TACR3: variants seen among roughly 807,000 people sequenced by gnomAD.
TACR3 encodes the protein tachykinin receptor 3, also known as neuromedin-K receptor.
TACR3 carries 34 observed loss-of-function variants against 35.0 expected under a neutral mutation model. That is an observed-to-expected ratio of 0.97 (90% CI 0.74 to 1.30). The LOEUF is 1.30. Among genes scored for constraint, TACR3 ranks in the 50% most tolerant of loss-of-function variants. TACR3 has a pLI of 0.00. For synonymous variants in TACR3, 233 were observed against 221.1 expected (o/e 1.05, Z -0.48); for missense variants, 558 against 591.7 (o/e 0.94, Z 0.59).
At chr4:103,631,677 T>C (rs147207802) in intron 3 of TACR3, among the ~76,000 whole-genome samples, 5 of 152,270 alleles carry the variant, frequency 3.3e-5, no homozygotes, top group East Asian at 1.9e-4. Flanking sequence ...AAGTCCACAA[T>C]TGGCTCTCCC....
At chr4:103,713,037 C>A (rs967786092) in intron 1 of TACR3, among the ~76,000 whole-genome samples, 4 of 152,104 alleles carry the variant, frequency 2.6e-5, no homozygotes, top group African/African-American at 4.8e-5. Context: ...GAACTGTAAA[C>A]TAGTTCAACC....
At chr4:103,714,107 TTTTG>T (rs1210438334) in intron 1 of TACR3, among the ~76,000 whole-genome samples, 3 of 152,134 alleles carry the variant, frequency 2.0e-5, no homozygotes, top group Non-Finnish European at 2.9e-5. Flanking sequence ...TTTTTTTGGA[TTTTG>T]TTTATGTCTT....
At chr4:103,607,290 A>C (rs1380323600) in intron 3 of TACR3, among the ~76,000 whole-genome samples, 4 of 152,060 alleles carry the variant, frequency 2.6e-5, no homozygotes, top group Non-Finnish European at 4.4e-5. Context: ...AGAAATTAGC[A>C]TAGTTTTTGA....
At chr4:103,633,185 A>G (rs1725105797) in intron 3 of TACR3, among the ~76,000 whole-genome samples, 1 of 152,016 alleles carries the variant, frequency 6.6e-6, no homozygotes, top group Admixed American at 6.6e-5. Context: ...AGCTAACTAT[A>G]ATAATACCTT....
intron 3 of TACR3, among the ~76,000 whole-genome samples, chr4:103,595,895 C>T (rs1399310959): frequency 1.9e-5 from 2 of 107,242 alleles, no homozygotes; most frequent in Admixed American, 1.1e-4. Context: ...TGCTATCCCT[C>T]CCCCCTCCCC....
At chr4:103,669,570 T>C (rs1444477125) in intron 1 of TACR3, among the ~76,000 whole-genome samples, 1 of 152,184 alleles carries the variant, frequency 6.6e-6, no homozygotes, top group Non-Finnish European at 1.5e-5. Context: ...ATTGTGGCTT[T>C]AATTTACATT....
intron 1 of TACR3, among the ~76,000 whole-genome samples, chr4:103,697,977 G>A (rs992280852): frequency 2.0e-5 from 3 of 152,094 alleles, no homozygotes; most frequent in Non-Finnish European, 2.9e-5. Context: ...AACTTCTTAT[G>A]TAGGAAAGAT....
At chr4:103,644,916 A>G (rs1725428518) in intron 3 of TACR3, among the ~76,000 whole-genome samples, 1 of 151,884 alleles carries the variant, frequency 6.6e-6, no homozygotes, top group Non-Finnish European at 1.5e-5. Context: ...AGAGAGGGAC[A>G]CAAAAATAGG....
In TACR3 at chr4:103,607,897, G is replaced by A. The variant is rs554002344; in HGVS notation, c.889-16214C>T. ...TACAGGGTTTTCCTCTCCTTTAGGAGGGATTGCCAGTCCTGTAGAATGTTG... is the reference window on the plus strand; with the variant it reads ...TACAGGGTTTTCCTCTCCTTTAGGAAGGATTGCCAGTCCTGTAGAATGTTG... On this transcript the variant is annotated intron_variant, in intron 3 of 4. Coordinates refer to ENST00000304883, the MANE Select transcript of TACR3 (RefSeq NM_001059.3). Among the ~76,000 whole-genome samples, 31 of 152,252 alleles carry A rather than the reference G, an allele frequency of 2.0e-4. No individual in the cohort carries two copies. The Middle Eastern group carries it at 0.014, about 67-fold the overall frequency.
chr4:103,590,450 A>T (rs1375948610), intron 4 of TACR3, among the ~76,000 whole-genome samples: 1 of 152,204 alleles, frequency 6.6e-6, no homozygotes, highest in Non-Finnish European at 1.5e-5. Flanking sequence ...TAATGTTAGA[A>T]TTGCTAATCT....
At chr4:103,602,876 T>C (rs960575153) in intron 3 of TACR3, among the ~76,000 whole-genome samples, 1 of 152,206 alleles carries the variant, frequency 6.6e-6, no homozygotes, top group Admixed American at 6.5e-5. Flanking sequence ...TTCTCAGATC[T>C]CAAGCTGCAT....
intron 3 of TACR3, among the ~76,000 whole-genome samples, chr4:103,615,392 T>C (rs1461612221): frequency 4.1e-5 from 4 of 98,410 alleles, no homozygotes; most frequent in Non-Finnish European, 8.8e-5. Context: ...TGTGTGTGTG[T>C]GTGTGTGAGA....
intron 3 of TACR3, among the ~76,000 whole-genome samples, chr4:103,607,392 A>G (rs1724404031): frequency 1.3e-5 from 2 of 152,070 alleles, no homozygotes; most frequent in South Asian, 2.1e-4. Flanking sequence ...AGCATTATGT[A>G]TTTATTTTTA....
intron 3 of TACR3, among the ~76,000 whole-genome samples, chr4:103,643,896 G>A (rs989069008): frequency 6.6e-6 from 1 of 151,684 alleles, no homozygotes; most frequent in African/African-American, 2.4e-5. Context: ...AGTATTAACA[G>A]ATAACCCATA....
At chr4:103,640,867 C>G (rs1725341215) in intron 3 of TACR3, among the ~76,000 whole-genome samples, 1 of 151,968 alleles carries the variant, frequency 6.6e-6, no homozygotes, top group Admixed American at 6.6e-5. Flanking sequence ...CACCCCTGCT[C>G]TATAGATTGT....
In TACR3 at chr4:103,589,715, G is replaced by A; in HGVS notation, c.1365C>T (p.Ser455=). The A allele has an allele frequency of 1.9e-6, 3 of 1,613,998 alleles. No homozygotes were observed. The highest frequency in any genetic ancestry group is 2.5e-6 in the Non-Finnish European group (3 of 1,179,880). The change falls in exon 5 of 5, where the codon AGC becomes AGT. Residue 455 remains serine (S), a synonymous_variant. Coordinates refer to ENST00000304883, the MANE Select transcript of TACR3 (RefSeq NM_001059.3). ...KSASATSSFI[S]SPYTSVDEYS is the part of the protein sequence containing the mutation. ...ATTCATCCACAGAGGTATAGGGTGA[G>A]CTTATGAAACTTGAAGTGGCGGAGG...
intron 1 of TACR3, among the ~76,000 whole-genome samples, chr4:103,662,431 G>T (rs748826177): frequency 6.6e-6 from 1 of 152,178 alleles, no homozygotes; most frequent in Non-Finnish European, 1.5e-5. Context: ...TATTGGTTAG[G>T]CTGGTCTCGA....
At chr4:103,593,482 G>A (rs983839856) in intron 3 of TACR3, 1 of 152,134 alleles carries the variant, frequency 6.6e-6, no homozygotes, top group Non-Finnish European at 1.5e-5. Context: ...TTATGAGAAT[G>A]TACTAGTTTA....
At chr4:103,666,370 A>G (rs1725936090) in intron 1 of TACR3, among the ~76,000 whole-genome samples, 1 of 152,148 alleles carries the variant, frequency 6.6e-6, no homozygotes, top group South Asian at 2.1e-4. Flanking sequence ...AGCAGAGTGC[A>G]TTTGGGGAAC....
Sources: gnomAD v4.1 joint callset for allele counts (sites outside exome capture counted in the v4.1 genomes callset) on GRCh38, gnomAD v4.1.1 for gene constraint, MANE v1.5 for transcripts, NCBI Gene and HGNC (gene_info 2026-07-23, HGNC 2026-07-21) for gene names.